Variants in SLMAP observed in about 807,000 individuals in gnomAD.
SLMAP encodes the protein sarcolemmal membrane-associated protein.
A neutral mutation model predicts 128.8 loss-of-function variants in SLMAP; 44 were observed. The ratio of observed to expected loss-of-function variants is 0.34; its 90% CI spans 0.27 to 0.44. The LOEUF is 0.44. Among genes scored for constraint, SLMAP ranks in the 20% least tolerant of loss-of-function variants. The pLI, the probability that SLMAP is intolerant of heterozygous loss-of-function variation, is 1.00. For missense variants in SLMAP, 787 were observed against 985.3 expected (o/e 0.80, Z 2.69); for synonymous variants, 327 against 348.8 (o/e 0.94, Z 0.70).
chr3:57,855,804 G>C (rs1051456236), intron 6 of SLMAP, among the ~76,000 whole-genome samples: 1 of 151,786 alleles, frequency 6.6e-6, no homozygotes, highest in Non-Finnish European at 1.5e-5. Flanking sequence ...AGCACTTTGG[G>C]AGGCCAAGGC....
chr3:57,806,115 G>A (rs1292782243), intron 2 of SLMAP, among the ~76,000 whole-genome samples: 1 of 150,304 alleles, frequency 6.7e-6, no homozygotes, highest in Non-Finnish European at 1.5e-5. Context: ...AGGTATACAT[G>A]TGCCATGGTG....
chr3:57,871,522 T>A, intron 13 of SLMAP, 114 bp from the exon 14 acceptor site: 2 of 719,766 alleles, frequency 2.8e-6, no homozygotes, highest in Non-Finnish European at 4.9e-6. Flanking sequence ...ATATTAAGCC[T>A]TTATTAGTCT....
At chr3:57,914,392 C>T (rs917373516) in intron 21 of SLMAP, among the ~76,000 whole-genome samples, 19 of 151,980 alleles carry the variant, frequency 1.3e-4, no homozygotes, top group African/African-American at 4.6e-4. Flanking sequence ...AGTCCCATGT[C>T]TCAAGAAAAC....
intron 2 of SLMAP, among the ~76,000 whole-genome samples, chr3:57,817,884 A>C (rs990040499): frequency 6.6e-6 from 1 of 152,244 alleles, no homozygotes; most frequent in Non-Finnish European, 1.5e-5. Flanking sequence ...ATGATTTGGC[A>C]TCAGAAGGTC....
At chr3:57,884,966 A>G (rs1028911798) in intron 14 of SLMAP, among the ~76,000 whole-genome samples, 1 of 152,214 alleles carries the variant, frequency 6.6e-6, no homozygotes, top group Non-Finnish European at 1.5e-5. Flanking sequence ...ACTTTTGAGG[A>G]AATTCTTTCT....
At chr3:57,903,200 A>C (rs774270757) in intron 17 of SLMAP, among the ~76,000 whole-genome samples, 5 of 152,212 alleles carry the variant, frequency 3.3e-5, no homozygotes, top group Non-Finnish European at 7.3e-5. Context: ...AAAGAGTGGC[A>C]AAGGGGTAAG....
chr3:57,914,708 G>C (rs1417245435), intron 21 of SLMAP, among the ~76,000 whole-genome samples: 1 of 151,116 alleles, frequency 6.6e-6, no homozygotes, highest in Non-Finnish European at 1.5e-5. Flanking sequence ...TCAGCCTCCT[G>C]AGTAACTTGG....
chr3:57,777,293 AC>A (rs2082140149), intron 2 of SLMAP, among the ~76,000 whole-genome samples: 1 of 152,132 alleles, frequency 6.6e-6, no homozygotes, highest in Non-Finnish European at 1.5e-5. Context: ...TTTTAAAAAA[AC>A]CTCTTAGAAG....
intron 4 of SLMAP, among the ~76,000 whole-genome samples, chr3:57,842,645 G>A (rs2093993784): frequency 6.6e-6 from 1 of 152,126 alleles, no homozygotes; most frequent in Non-Finnish European, 1.5e-5. Flanking sequence ...GTTCCATCTA[G>A]TAGAACTTGT....
chr3:57,926,743 T>C (rs530011621), intron 24 of SLMAP, among the ~76,000 whole-genome samples: 1 of 152,312 alleles, frequency 6.6e-6, no homozygotes, highest in African/African-American at 2.4e-5. Context: ...TATACCAGAA[T>C]TATCAGACAG....
chr3:57,780,805 G>A (rs891702584), intron 2 of SLMAP, among the ~76,000 whole-genome samples: 2 of 151,312 alleles, frequency 1.3e-5, no homozygotes, highest in African/African-American at 4.9e-5. Flanking sequence ...CACCATGCTT[G>A]GCTAATTTTT....
At chr3:57,908,677 A>G (rs1032269387) in intron 18 of SLMAP, among the ~76,000 whole-genome samples, 3 of 152,222 alleles carry the variant, frequency 2.0e-5, no homozygotes, top group African/African-American at 7.2e-5. Context: ...TTAAATTACA[A>G]TGAAAAAATA....
intron 2 of SLMAP, among the ~76,000 whole-genome samples, chr3:57,797,055 GC>G (rs2086899300): frequency 1.3e-5 from 2 of 151,578 alleles, no homozygotes; most frequent in Non-Finnish European, 2.9e-5. Context: ...GGTGGCATGT[GC>G]CTATAGTCCC....
At chr3:57,893,740 A>G (rs2096159749) in intron 15 of SLMAP, among the ~76,000 whole-genome samples, 1 of 152,142 alleles carries the variant, frequency 6.6e-6, no homozygotes, top group South Asian at 2.1e-4. Context: ...GATTAGATGT[A>G]TTAGCCTCTT....
intron 2 of SLMAP, among the ~76,000 whole-genome samples, chr3:57,789,421 A>G (rs945765177): frequency 3.9e-5 from 6 of 151,946 alleles, no homozygotes; most frequent in Non-Finnish European, 7.4e-5. Flanking sequence ...GGCTAAATCG[A>G]CCTAACAGGA....
intron 14 of SLMAP, among the ~76,000 whole-genome samples, chr3:57,880,034 C>G (rs1050754733): frequency 2.6e-5 from 4 of 151,822 alleles, no homozygotes; most frequent in African/African-American, 9.7e-5. Context: ...GAGGGAAGGG[C>G]TTCCTCCCTG....
intron 10 of SLMAP, among the ~76,000 whole-genome samples, chr3:57,863,150 C>A (rs1172336086): frequency 1.3e-5 from 2 of 152,176 alleles, no homozygotes; most frequent in African/African-American, 4.8e-5. Flanking sequence ...TCCCTTTTAG[C>A]TTTCAGGGAT....
At chr3:57,892,300 C>T (rs908246175) in intron 15 of SLMAP, among the ~76,000 whole-genome samples, 8 of 152,100 alleles carry the variant, frequency 5.3e-5, no homozygotes, top group Middle Eastern at 3.2e-3. Context: ...GAACAATTAC[C>T]GACTGTTACC....
rs924065801 is a variant in SLMAP, at chr3:57,909,300, G to C, written c.1699+150G>C. 6 of 580,074 alleles carry C rather than the reference G, an allele frequency of 1.0e-5. No homozygotes were observed. The East Asian group carries it at 1.8e-4, about 17-fold the overall frequency. The allele number at this position is 580,074 out of a possible 1,614,324, so 35.9% of individuals were successfully genotyped here. On this transcript the variant is annotated intron_variant, in intron 19 of 24. Transcript: ENST00000671191. ...GTGGATCTCCTGAGGTCAGGAATTCGAGAGCAGTGTGGCCAACATGGTGAA... is the reference window on the plus strand; with the variant it reads ...GTGGATCTCCTGAGGTCAGGAATTCCAGAGCAGTGTGGCCAACATGGTGAA...
Sources: allele counts gnomAD v4.1 joint callset (sites outside exome capture counted in the v4.1 genomes callset), GRCh38; gene constraint gnomAD v4.1.1; transcripts MANE v1.5; gene names NCBI Gene and HGNC (gene_info 2026-07-23, HGNC 2026-07-21).